TXNDC16: variants seen among roughly 807,000 people sequenced by gnomAD.
TXNDC16 encodes thioredoxin domain containing 16.
TXNDC16 carries 74 observed loss-of-function variants against 85.6 expected under a neutral mutation model. The ratio of observed to expected loss-of-function variants is 0.86; its 90% CI spans 0.72 to 1.05. TXNDC16 has a LOEUF of 1.05. Ranked by LOEUF, TXNDC16 falls within the 50% of genes least tolerant of loss-of-function variation. TXNDC16 has a pLI of 0.00. For synonymous variants in TXNDC16, 335 were observed against 326.5 expected, an observed-to-expected ratio of 1.03 and a Z score of -0.28; for missense variants, 959 against 947.0, an observed-to-expected ratio of 1.01 and a Z score of -0.17.
At chr14:52,483,499 A>G (rs574138380) in intron 12 of TXNDC16, among the ~76,000 whole-genome samples, 3 of 152,366 alleles carry the variant, frequency 2.0e-5, no homozygotes, top group South Asian at 2.1e-4. Flanking sequence ...GACAAAGACA[A>G]TAACATATAC....
chr14:52,467,718 C>T (rs899817363), intron 16 of TXNDC16, among the ~76,000 whole-genome samples: 1 of 152,174 alleles, frequency 6.6e-6, no homozygotes, highest in Non-Finnish European at 1.5e-5. Context: ...AACAGAATTA[C>T]CATATGACCC....
At chr14:52,444,750 G>A (rs1289400407) in intron 18 of TXNDC16, among the ~76,000 whole-genome samples, 2 of 152,052 alleles carry the variant, frequency 1.3e-5, no homozygotes, top group Admixed American at 1.3e-4. Context: ...CAAATCTTCT[G>A]TCAGGAAATA....
chr14:52,528,775 C>T (rs1252579703), intron 6 of TXNDC16, among the ~76,000 whole-genome samples: 2 of 148,018 alleles, frequency 1.4e-5, no homozygotes, highest in South Asian at 4.2e-4. Flanking sequence ...TCAAAAGACA[C>T]AAAATTAGTA....
chr14:52,537,783 G>T (rs953768625), intron 4 of TXNDC16, 111 bp from the exon 5 acceptor site: 4 of 647,182 alleles, frequency 6.2e-6, no homozygotes, highest in South Asian at 5.5e-5. Flanking sequence ...GTCAAATTTT[G>T]TATTTTATGT....
chr14:52,462,780 A>G, intron 16 of TXNDC16: 1 of 369,780 alleles, frequency 2.7e-6, no homozygotes, highest in South Asian at 2.1e-5. Context: ...AGCATTTTTC[A>G]TTTGAAATGT....
At chr14:52,472,347 G>C (rs1032332135) in intron 14 of TXNDC16, among the ~76,000 whole-genome samples, 3 of 151,950 alleles carry the variant, frequency 2.0e-5, no homozygotes, top group Admixed American at 6.6e-5. Flanking sequence ...ACAGGCACGT[G>C]ACACCATGCC....
In TXNDC16 at chr14:52,514,864, T is replaced by A. The variant is rs761601150; in HGVS notation, c.605+16A>T. 1.9e-6 allele frequency: 3 copies of A among 1,569,722 alleles called. No homozygotes were observed. Among genetic ancestry groups the A allele is most frequent in the Non-Finnish European group, 2.6e-6 (3 of 1,156,326 alleles). Reference sequence around the variant, plus strand: ...AAAAAACCTTTAAATTGTTGACATATGCTTTTTATACATACCCAATACTTT... The same window carrying A: ...AAAAAACCTTTAAATTGTTGACATAAGCTTTTTATACATACCCAATACTTT... On this transcript the variant is annotated intron_variant, in intron 8 of 20. Transcript: ENST00000281741.
intron 1 of TXNDC16, among the ~76,000 whole-genome samples, chr14:52,545,610 G>A (rs996215159): frequency 1.3e-5 from 2 of 152,128 alleles, no homozygotes; most frequent in Non-Finnish European, 2.9e-5. Flanking sequence ...GCTAGGGTGG[G>A]AAAATAAATG....
chr14:52,536,812 CATATTA>C lies in TXNDC16; in HGVS notation c.318-25_318-20del. Reference sequence around the variant, plus strand: ...GTTGCCCCTATAAAAAGTTTAAAAACATATTAATATTGAAAAATACAAAAAATATTT... The same window carrying C: ...GTTGCCCCTATAAAAAGTTTAAAAACATATTGAAAAATACAAAAAATATTT... On this transcript the variant is annotated intron_variant, in intron 5 of 20. Transcript: ENST00000281741. 1 of 1,572,628 alleles carries C rather than the reference CATATTA, an allele frequency of 6.4e-7. No homozygotes were observed. The highest frequency in any genetic ancestry group is 1.8e-4 in the Middle Eastern group (1 of 5,594).
chr14:52,530,265 T>TATATAATATATATTATTATATAATAATAC (rs1566581913), intron 6 of TXNDC16, among the ~76,000 whole-genome samples: 2 of 52,798 alleles, frequency 3.8e-5, no homozygotes, highest in African/African-American at 1.9e-4. Context: ...TTATATAATA[T>TATATAATATATATTATTATATAATAATAC]ATATTATTAT....
Position 52,455,316 on chromosome 14 carries a change from A to T in TXNDC16, c.1842+8T>A. ...TCAAGTATCACCCTTATTATAAAAC[A>T]TACTCACAAACATTTCCAGTAGTGC... is the stretch of plus-strand genomic sequence containing the variant. On this transcript the variant is annotated splice_region_variant and intron_variant, in intron 18 of 20. Coordinates refer to ENST00000281741, the MANE Select transcript of TXNDC16 (RefSeq NM_020784.3). 1 of 1,613,376 alleles carries T rather than the reference A, an allele frequency of 6.2e-7. No individual in the cohort carries two copies. The highest frequency in any genetic ancestry group is 1.3e-5 in the African/African-American group (1 of 75,028).
At chr14:52,521,512 A>T (rs187152602) in intron 6 of TXNDC16, among the ~76,000 whole-genome samples, 1 of 152,304 alleles carries the variant, frequency 6.6e-6, no homozygotes, top group Admixed American at 6.5e-5. Flanking sequence ...CTGTTGTGAC[A>T]TCACACATCA....
intron 16 of TXNDC16, among the ~76,000 whole-genome samples, chr14:52,468,731 A>T (rs2035833141): frequency 6.6e-6 from 1 of 151,968 alleles, no homozygotes; most frequent in African/African-American, 2.4e-5. Flanking sequence ...TTAAAAAATT[A>T]GTGGGCATGG....
intron 6 of TXNDC16, among the ~76,000 whole-genome samples, chr14:52,530,258 T>TAAA (rs1555342441): frequency 1.7e-5 from 1 of 59,426 alleles, no homozygotes. Context: ...ATATATATTA[T>TAAA]ATAATATATA....
chr14:52,476,403 A>G (rs2036021252), intron 14 of TXNDC16, among the ~76,000 whole-genome samples: 1 of 152,198 alleles, frequency 6.6e-6, no homozygotes, highest in Non-Finnish European at 1.5e-5. Flanking sequence ...TGCCAGAGAA[A>G]GGCAAAGCCC....
intron 16 of TXNDC16, among the ~76,000 whole-genome samples, chr14:52,467,026 A>C (rs1030968662): frequency 1.3e-5 from 2 of 152,104 alleles, no homozygotes; most frequent in African/African-American, 4.8e-5. Flanking sequence ...GACAGATCAG[A>C]GACTTGACTC....
At chr14:52,527,706 A>C (rs2037369867) in intron 6 of TXNDC16, among the ~76,000 whole-genome samples, 1 of 152,016 alleles carries the variant, frequency 6.6e-6, no homozygotes, top group African/African-American at 2.4e-5. Flanking sequence ...CTACCGTGCT[A>C]CTCTGGCTGC....
chr14:52,536,889 G>T, intron 5 of TXNDC16, 96 bp from the exon 6 acceptor site: 1 of 1,024,814 alleles, frequency 9.8e-7, no homozygotes, highest in Non-Finnish European at 1.5e-6. Context: ...TAGCTTATAA[G>T]GTCTTTGATG....
intron 8 of TXNDC16, among the ~76,000 whole-genome samples, chr14:52,512,357 T>C (rs1444487423): frequency 6.6e-6 from 1 of 152,122 alleles, no homozygotes; most frequent in Admixed American, 6.6e-5. Context: ...TCTTTGTGCT[T>C]CAAATTAGGA....
Sources: gnomAD v4.1 joint callset for allele counts (sites outside exome capture counted in the v4.1 genomes callset) on GRCh38, gnomAD v4.1.1 for gene constraint, MANE v1.5 for transcripts, NCBI Gene and HGNC (gene_info 2026-07-23, HGNC 2026-07-21) for gene names.